The following APBB2 variants were observed in gnomAD, a reference collection of about 807,000 sequenced individuals.
APBB2 encodes Fe65-like 1.
APBB2 carries 38 observed loss-of-function variants against 82.5 expected under a neutral mutation model. The observed-to-expected ratio is 0.46, with a 90% CI of 0.36 to 0.60. APBB2 has a LOEUF of 0.60. APBB2 is among the 20% of genes least tolerant of loss of function. The probability of loss-of-function intolerance (pLI) is 0.00; values close to 1 mark genes in which losing one functional copy is unlikely to be tolerated. For synonymous variants in APBB2, 341 were observed against 368.2 expected, an observed-to-expected ratio of 0.93 and a Z score of 0.85; for missense variants, 772 against 972.3, an observed-to-expected ratio of 0.79 and a Z score of 2.74.
intron 12 of APBB2, among the ~76,000 whole-genome samples, chr4:40,853,126 G>T (rs1282822857): frequency 1.3e-5 from 2 of 152,068 alleles, no homozygotes; most frequent in African/African-American, 4.8e-5. Flanking sequence ...TCAACTTGGC[G>T]AGTTCAACCT....
At chr4:41,158,038 G>A (rs1364605680) in intron 1 of APBB2, among the ~76,000 whole-genome samples, 2 of 152,042 alleles carry the variant, frequency 1.3e-5, no homozygotes, top group African/African-American at 4.8e-5. Context: ...ACTCCAAAGT[G>A]CATTTCCCAA....
At chr4:40,919,234 G>A (rs1395552666) in intron 10 of APBB2, among the ~76,000 whole-genome samples, 1 of 152,200 alleles carries the variant, frequency 6.6e-6, no homozygotes, top group Non-Finnish European at 1.5e-5. Context: ...GCACGCACAT[G>A]CACTTACTAA....
At chr4:40,970,482 C>A (rs917225742) in intron 6 of APBB2, among the ~76,000 whole-genome samples, 1 of 151,584 alleles carries the variant, frequency 6.6e-6, no homozygotes, top group Admixed American at 6.6e-5. Context: ...TTTTTTTGAA[C>A]CAAAGGCATT....
At chr4:41,181,676 T>C (rs956325851) in intron 1 of APBB2, among the ~76,000 whole-genome samples, 3 of 152,144 alleles carry the variant, frequency 2.0e-5, no homozygotes, top group Admixed American at 2.0e-4. Flanking sequence ...CCGGGCACAG[T>C]GGCTCACGCC....
intron 10 of APBB2, among the ~76,000 whole-genome samples, chr4:40,929,159 T>C (rs1783458820): frequency 6.6e-6 from 1 of 151,966 alleles, no homozygotes; most frequent in South Asian, 2.1e-4. Context: ...ACTATCTTTG[T>C]AACTTTGCTG....
At chr4:40,833,738 T>C (rs976705866) in intron 12 of APBB2, among the ~76,000 whole-genome samples, 1 of 151,864 alleles carries the variant, frequency 6.6e-6, no homozygotes, top group Admixed American at 6.6e-5. Context: ...AGTGAAGGGG[T>C]TGAAAAACAT....
intron 10 of APBB2, among the ~76,000 whole-genome samples, chr4:40,907,090 A>C (rs1448115177): frequency 6.6e-6 from 1 of 152,020 alleles, no homozygotes; most frequent in Non-Finnish European, 1.5e-5. Flanking sequence ...TATCTTGTTC[A>C]ATCAACTTAA....
chr4:41,029,951 T>C (rs1394470502), intron 5 of APBB2, among the ~76,000 whole-genome samples: 2 of 151,908 alleles, frequency 1.3e-5, no homozygotes, highest in Non-Finnish European at 2.9e-5. Context: ...GGTCAGAAGA[T>C]CAAGGCCATC....
chr4:41,019,641 T>A (rs1810938160), intron 5 of APBB2, among the ~76,000 whole-genome samples: 1 of 152,072 alleles, frequency 6.6e-6, no homozygotes, highest in Non-Finnish European at 1.5e-5. Context: ...CCCTGGGATC[T>A]GGCCTGGAGA....
chr4:41,169,112 G>A (rs1767533023), intron 1 of APBB2, among the ~76,000 whole-genome samples: 1 of 150,278 alleles, frequency 6.7e-6, no homozygotes, highest in Non-Finnish European at 1.5e-5. Context: ...TTGAACCCTG[G>A]AGGCAGAGGT....
chr4:40,829,717 G>A (rs528101962), intron 13 of APBB2, among the ~76,000 whole-genome samples: 2 of 152,192 alleles, frequency 1.3e-5, no homozygotes, highest in Admixed American at 6.5e-5. Context: ...CTGCAAGGGG[G>A]CTGTTATGCT....
At chr4:41,106,744 G>A (rs1747405794) in intron 2 of APBB2, among the ~76,000 whole-genome samples, 1 of 152,124 alleles carries the variant, frequency 6.6e-6, no homozygotes, top group African/African-American at 2.4e-5. Flanking sequence ...CCAAAGTGCT[G>A]GGATTACAGG....
chr4:40,909,572 C>T (rs1159177210), intron 10 of APBB2, among the ~76,000 whole-genome samples: 2 of 152,120 alleles, frequency 1.3e-5, no homozygotes, highest in Admixed American at 1.3e-4. Flanking sequence ...CATTATGAGT[C>T]CTATTTTTAT....
At chr4:41,109,952 C>T (rs1748596806) in intron 2 of APBB2, among the ~76,000 whole-genome samples, 2 of 152,192 alleles carry the variant, frequency 1.3e-5, no homozygotes, top group Admixed American at 1.3e-4. Flanking sequence ...TAGTTTTAAA[C>T]ACTGTCTCCT....
chr4:41,157,625 G>T (rs1763806021), intron 1 of APBB2, among the ~76,000 whole-genome samples: 1 of 152,162 alleles, frequency 6.6e-6, no homozygotes, highest in African/African-American at 2.4e-5. Flanking sequence ...ACCAAGATAT[G>T]CCAAGAAACA....
chr4:40,925,214 T>C (rs1258589603), intron 10 of APBB2, among the ~76,000 whole-genome samples: 2 of 152,216 alleles, frequency 1.3e-5, no homozygotes, highest in Non-Finnish European at 2.9e-5. Flanking sequence ...GCCATATCCA[T>C]TCCTTCTGGT....
At chr4:41,181,567 G>A (rs1238346551) in intron 1 of APBB2, among the ~76,000 whole-genome samples, 5 of 152,216 alleles carry the variant, frequency 3.3e-5, no homozygotes, top group African/African-American at 1.2e-4. Flanking sequence ...CTAATTCTAT[G>A]TAAGCCTAAC....
At chr4:41,092,976 T>C (rs144043676) in intron 3 of APBB2, among the ~76,000 whole-genome samples, 6 of 152,290 alleles carry the variant, frequency 3.9e-5, no homozygotes, top group Admixed American at 2.6e-4. Context: ...CCAGAACACC[T>C]GAACTTACTG....
intron 12 of APBB2, among the ~76,000 whole-genome samples, chr4:40,869,351 T>G (rs924235329): frequency 1.1e-4 from 16 of 151,418 alleles, no homozygotes; most frequent in Non-Finnish European, 2.1e-4. Flanking sequence ...GGAGGCTGAG[T>G]GAGGTAGGAG....
Sources: gnomAD v4.1 joint callset for allele counts (sites outside exome capture counted in the v4.1 genomes callset) on GRCh38, gnomAD v4.1.1 for gene constraint, MANE v1.5 for transcripts, NCBI Gene and HGNC (gene_info 2026-07-23, HGNC 2026-07-21) for gene names.